The following XKR9 variants were observed in gnomAD, a reference collection of about 807,000 sequenced individuals.
XKR9 encodes the protein XK-related protein 9.
Under a neutral mutation model 32.0 loss-of-function variants are expected in XKR9, and 32 were observed. The ratio of observed to expected loss-of-function variants is 1.00; its 90% CI spans 0.76 to 1.34. The LOEUF (loss-of-function observed/expected upper bound fraction) is 1.34. Among genes scored for constraint, XKR9 ranks in the 40% most tolerant of loss-of-function variants. XKR9 has a pLI of 0.00. For synonymous variants in XKR9, 168 were observed against 143.4 expected (o/e 1.17, Z -1.22); for missense variants, 546 against 429.7 (o/e 1.27, Z -2.39).
At chr8:70,811,663 C>T in the XKR9 span, among the ~76,000 whole-genome samples, 6 of 152,174 alleles carry the variant, frequency 3.9e-5, no homozygotes, top group Non-Finnish European at 8.8e-5. Context: ...CTACAAACAC[C>T]TCTACACAAA....
chr8:70,854,701 G>C, the XKR9 span, among the ~76,000 whole-genome samples: 1 of 151,950 alleles, frequency 6.6e-6, no homozygotes, highest in Non-Finnish European at 1.5e-5. Context: ...ATTTTTGTAT[G>C]AGGTGTAAGG....
chr8:70,882,798 G>A, the XKR9 span, among the ~76,000 whole-genome samples: 8 of 151,730 alleles, frequency 5.3e-5, no homozygotes, highest in Non-Finnish European at 1.2e-4. Flanking sequence ...GTTTACATTA[G>A]AGTTCATTTT....
intron 2 of XKR9, among the ~76,000 whole-genome samples, chr8:70,788,501 A>T (rs1807721245): frequency 1.3e-5 from 2 of 150,688 alleles, no homozygotes; most frequent in Admixed American, 1.3e-4. Flanking sequence ...TCATTGAAAG[A>T]CTTTGCAGGC....
At chr8:70,756,762 G>C (rs1024736608) in intron 2 of XKR9, among the ~76,000 whole-genome samples, 1 of 152,138 alleles carries the variant, frequency 6.6e-6, no homozygotes, top group African/African-American at 2.4e-5. Flanking sequence ...GCTACTTTAA[G>C]ATTTCTACAT....
chr8:70,987,591 A>G, the XKR9 span, among the ~76,000 whole-genome samples: 1 of 152,190 alleles, frequency 6.6e-6, no homozygotes, highest in Non-Finnish European at 1.5e-5. Flanking sequence ...TGCAGGGTAT[A>G]GCCCCACTTC....
At chr8:70,870,532 G>C in the XKR9 span, among the ~76,000 whole-genome samples, 2 of 152,142 alleles carry the variant, frequency 1.3e-5, no homozygotes, top group Admixed American at 1.3e-4. Context: ...ACTGATATGT[G>C]GTCTCATAAA....
chr8:70,970,192 T>C, the XKR9 span, among the ~76,000 whole-genome samples: 18 of 152,392 alleles, frequency 1.2e-4, no homozygotes, highest in East Asian at 3.5e-3. Flanking sequence ...CAAATTGTGC[T>C]GTTATAAACA....
the XKR9 span, among the ~76,000 whole-genome samples, chr8:70,964,269 T>C: frequency 1.5e-4 from 23 of 152,298 alleles, 1 homozygote; most frequent in Admixed American, 1.4e-3. Flanking sequence ...AAAGATCAGA[T>C]AGTTGTAGGT....
At chr8:71,011,370 C>T in the XKR9 span, among the ~76,000 whole-genome samples, 15 of 152,184 alleles carry the variant, frequency 9.9e-5, no homozygotes, top group Middle Eastern at 3.4e-3. Flanking sequence ...AATTTATTCC[C>T]ATAGGTCCAA....
the XKR9 span, among the ~76,000 whole-genome samples, chr8:70,936,769 C>T: frequency 0.32 from 48,282 of 151,894 alleles, 8,997 homozygotes; most frequent in Non-Finnish European, 0.43. Context: ...AGTGCCTGAA[C>T]TCTCATTTCA....
At chr8:70,852,770 T>C in the XKR9 span, among the ~76,000 whole-genome samples, 1 of 152,170 alleles carries the variant, frequency 6.6e-6, no homozygotes, top group Non-Finnish European at 1.5e-5. Context: ...ACATCTCATG[T>C]TCTCACTCAT....
At chr8:70,845,399 A>G in the XKR9 span, among the ~76,000 whole-genome samples, 4 of 152,236 alleles carry the variant, frequency 2.6e-5, no homozygotes, top group Non-Finnish European at 5.9e-5. Context: ...GAAATACAAC[A>G]TCTCCAAAGG....
chr8:70,738,764 G>T (rs953333498), downstream of XKR9, among the ~76,000 whole-genome samples: 1 of 151,974 alleles, frequency 6.6e-6, no homozygotes, highest in African/African-American at 2.4e-5. Context: ...TTCAGTTTCC[G>T]TGTAGTTGAG....
chr8:70,771,128 A>C (rs1395687893), intron 2 of XKR9, among the ~76,000 whole-genome samples: 24 of 152,128 alleles, frequency 1.6e-4, no homozygotes, highest in Admixed American at 1.6e-3. Flanking sequence ...ACTGTCCCTC[A>C]TGGCATAGTC....
At chr8:70,764,035 C>T (rs1174801491) in intron 2 of XKR9, among the ~76,000 whole-genome samples, 1 of 152,204 alleles carries the variant, frequency 6.6e-6, no homozygotes, top group East Asian at 1.9e-4. Context: ...TAGCCACATA[C>T]TGCAGATAGT....
the XKR9 span, among the ~76,000 whole-genome samples, chr8:71,006,393 G>C: frequency 6.6e-6 from 1 of 152,104 alleles, no homozygotes. Flanking sequence ...TGTGGCCCAA[G>C]ACAATCCTTC....
downstream of XKR9, among the ~76,000 whole-genome samples, chr8:70,793,638 A>C (rs1807793203): frequency 6.6e-6 from 1 of 151,970 alleles, no homozygotes. Flanking sequence ...CTATAACAGC[A>C]CTCTCATCTA....
At chr8:70,777,823 G>A (rs971611506) in intron 2 of XKR9, among the ~76,000 whole-genome samples, 1 of 151,770 alleles carries the variant, frequency 6.6e-6, no homozygotes, top group Non-Finnish European at 1.5e-5. Flanking sequence ...TTGTAAATTT[G>A]TTGAAATTCT....
chr8:70,688,340 A>G (rs1819379280), intron 3 of XKR9, among the ~76,000 whole-genome samples: 2 of 152,214 alleles, frequency 1.3e-5, no homozygotes, highest in Non-Finnish European at 2.9e-5. Context: ...ATATTCCGCA[A>G]GAGTTCTCCC....
Sources: allele counts gnomAD v4.1 joint callset (sites outside exome capture counted in the v4.1 genomes callset), GRCh38; gene constraint gnomAD v4.1.1; transcripts MANE v1.5; gene names NCBI Gene and HGNC (gene_info 2026-07-23, HGNC 2026-07-21).